Variants in DOCK2 observed in about 807,000 individuals in gnomAD.
DOCK2 encodes the protein dedicator of cytokinesis protein 2.
In DOCK2, 87 loss-of-function variants were observed where a neutral mutation model predicts 248.9. The ratio of observed to expected loss-of-function variants is 0.35; its 90% CI spans 0.29 to 0.42. The LOEUF is 0.42. Ranked by LOEUF, DOCK2 falls within the 10% of genes least tolerant of loss-of-function variation. The pLI, the probability that DOCK2 is intolerant of heterozygous loss-of-function variation, is 1.00. For synonymous variants in DOCK2, 805 were observed against 821.6 expected (o/e 0.98, Z 0.35); for missense variants, 1,747 against 2,300.2 (o/e 0.76, Z 4.92).
At chr5:170,002,588 T>G (rs1177909255) in intron 30 of DOCK2, among the ~76,000 whole-genome samples, 1 of 152,246 alleles carries the variant, frequency 6.6e-6, no homozygotes, top group Non-Finnish European at 1.5e-5. Context: ...TTTAACTATG[T>G]GTGTATATTA....
chr5:169,862,605 G>A (rs778890677), intron 27 of DOCK2, among the ~76,000 whole-genome samples: 12 of 152,162 alleles, frequency 7.9e-5, no homozygotes, highest in South Asian at 2.1e-4. Flanking sequence ...CTAACATGAC[G>A]TTATATATTC....
intron 45 of DOCK2, 37 bp downstream of exon 45, chr5:170,067,723 G>A: frequency 6.2e-7 from 1 of 1,609,750 alleles, no homozygotes; most frequent in Non-Finnish European, 8.5e-7. Flanking sequence ...GGGGAGCTCG[G>A]TGAGCAGAGC....
Position 170,069,128 on chromosome 5 carries a change from C to T in DOCK2, c.4645-9C>T. 6 of 1,613,088 alleles carry T rather than the reference C, an allele frequency of 3.7e-6. No homozygotes were observed. Among genetic ancestry groups the T allele is most frequent in the Non-Finnish European group, 5.1e-6 (6 of 1,179,518 alleles). Reference sequence around the variant, plus strand: ...CAGGAAACCCTGACCTCCTATCTGTCCTCCCCAGGCCTTCTTCACTGAAGA... The same window carrying T: ...CAGGAAACCCTGACCTCCTATCTGTTCTCCCCAGGCCTTCTTCACTGAAGA... On this transcript the variant is annotated splice_polypyrimidine_tract_variant and intron_variant, in intron 45 of 51. Transcript: ENST00000520908.
At chr5:170,048,678 G>A (rs769408999) in intron 40 of DOCK2, among the ~76,000 whole-genome samples, 6 of 152,194 alleles carry the variant, frequency 3.9e-5, no homozygotes, top group Non-Finnish European at 5.9e-5. Context: ...ATAAATAACA[G>A]CTTTCATGTT....
At position 169,764,916 on chromosome 5, in the gene DOCK2, G is replaced by A. The variant is rs1764682069; in HGVS notation, c.2554+3291G>A. Among the ~76,000 whole-genome samples the A allele has an allele frequency of 6.6e-6, 1 of 152,040 alleles. No individual in the cohort carries two copies. Among genetic ancestry groups the A allele is most frequent in the African/African-American group, 2.4e-5 (1 of 41,354 alleles). On this transcript the variant is annotated intron_variant, in intron 25 of 51. Transcript: ENST00000520908. The surrounding 1 kb of genome is among the most constrained non-coding windows in gnomAD (Gnocchi z 4.3). ...TAGAATGTTTTTGTAAAGGGGCCAT[G>A]TTACATATGCCTGGAAGAAGTAGAG...
intron 26 of DOCK2, among the ~76,000 whole-genome samples, chr5:169,814,521 T>C (rs1767950364): frequency 6.6e-6 from 1 of 152,192 alleles, no homozygotes; most frequent in Non-Finnish European, 1.5e-5. Flanking sequence ...GAATAAAGGT[T>C]ACAGTGTAGT....
At chr5:169,968,993 T>G (rs1777401860) in intron 27 of DOCK2, among the ~76,000 whole-genome samples, 1 of 152,054 alleles carries the variant, frequency 6.6e-6, no homozygotes, top group African/African-American at 2.4e-5. Flanking sequence ...TACAAAAAAT[T>G]TTGAAAAATA....
chr5:170,019,257 C>A, intron 33 of DOCK2, 149 bp downstream of exon 33: 2 of 1,254,350 alleles, frequency 1.6e-6, no homozygotes, highest in Non-Finnish European at 2.2e-6. Flanking sequence ...AATGAGCTGG[C>A]AGATCAGATT....
At chr5:169,972,718 G>T (rs1468304374) in intron 27 of DOCK2, among the ~76,000 whole-genome samples, 1 of 152,144 alleles carries the variant, frequency 6.6e-6, no homozygotes, top group Non-Finnish European at 1.5e-5. Context: ...CACACAATAA[G>T]TGCTAAATAA....
intron 1 of DOCK2, among the ~76,000 whole-genome samples, chr5:169,642,701 C>A (rs973344170): frequency 7.9e-5 from 12 of 152,190 alleles, no homozygotes; most frequent in Non-Finnish European, 1.3e-4. Context: ...TTTAGGAGTG[C>A]CTGCTGGGCT....
chr5:169,927,950 T>C (rs914097802), intron 27 of DOCK2, among the ~76,000 whole-genome samples: 2 of 152,164 alleles, frequency 1.3e-5, no homozygotes, highest in African/African-American at 4.8e-5. Flanking sequence ...GATGATGAGA[T>C]GGTATAACCA....
rs114991284 is a variant in DOCK2 at position 169,702,818 on chromosome 5, A to G, written c.1383+391A>G. Reference sequence around the variant, plus strand: ...GGCAAAGTCCATGGTAAGAAAGAGGATCAATACAGTGCCTTGGGCTGGTGT... The same window carrying G: ...GGCAAAGTCCATGGTAAGAAAGAGGGTCAATACAGTGCCTTGGGCTGGTGT... On this transcript the variant is annotated intron_variant, in intron 14 of 51. Coordinates refer to ENST00000520908, the MANE Select transcript of DOCK2 (RefSeq NM_004946.3). Among the ~76,000 whole-genome samples the G allele has an allele frequency of 5.4e-3, 826 of 152,176 alleles. 9 individuals carry two copies. The highest frequency in any genetic ancestry group is 0.018 in the African/African-American group (752 of 41,526).
intron 25 of DOCK2, chr5:169,773,238 A>G (rs1262913208): frequency 6.6e-6 from 1 of 152,222 alleles, no homozygotes; most frequent in East Asian, 1.9e-4. Flanking sequence ...AACAAGTCCA[A>G]GAGAGATTTA....
intron 27 of DOCK2, among the ~76,000 whole-genome samples, chr5:169,889,995 T>C (rs569340892): frequency 7.0e-6 from 1 of 142,824 alleles, no homozygotes; most frequent in East Asian, 2.0e-4. Context: ...TTACAACTTA[T>C]AAAGCATTTT....
intron 26 of DOCK2, among the ~76,000 whole-genome samples, chr5:169,817,277 C>G (rs1285475049): frequency 6.6e-6 from 1 of 152,200 alleles, no homozygotes; most frequent in African/African-American, 2.4e-5. Context: ...TCATGGTAGG[C>G]CTTTCTGGCA....
chr5:169,653,478 G>A (rs1757918198), intron 1 of DOCK2, among the ~76,000 whole-genome samples: 1 of 152,228 alleles, frequency 6.6e-6, no homozygotes, highest in Admixed American at 6.5e-5. Context: ...TGTTGTGTGG[G>A]CAGCAGCAGG....
intron 45 of DOCK2, among the ~76,000 whole-genome samples, chr5:170,068,212 A>G (rs1238771380): frequency 2.0e-5 from 3 of 152,234 alleles, no homozygotes; most frequent in Non-Finnish European, 2.9e-5. Context: ...CCACAGATTT[A>G]TTTTTGAGCT....
chr5:170,002,704 C>T (rs1342210246), intron 30 of DOCK2, among the ~76,000 whole-genome samples: 1 of 152,160 alleles, frequency 6.6e-6, no homozygotes, highest in Non-Finnish European at 1.5e-5. Flanking sequence ...TTACTGTTTA[C>T]CTCTGTGCAA....
chr5:169,722,036 G>C (rs1314061692), intron 22 of DOCK2, among the ~76,000 whole-genome samples: 2 of 152,202 alleles, frequency 1.3e-5, no homozygotes, highest in Non-Finnish European at 2.9e-5. Context: ...TAAATTATAG[G>C]AAGTGTGTCT....
Sources: gnomAD v4.1 joint callset for allele counts (sites outside exome capture counted in the v4.1 genomes callset) on GRCh38, gnomAD v4.1.1 for gene constraint, Gnocchi (gnomAD v3.1) non-coding constraint, MANE v1.5 for transcripts, NCBI Gene and HGNC (gene_info 2026-07-23, HGNC 2026-07-21) for gene names.